The following PLCB1 variants were observed in gnomAD, a reference collection of about 807,000 sequenced individuals.
PLCB1 encodes the protein phospholipase C beta 1.
In PLCB1, 46 loss-of-function variants were observed where a neutral mutation model predicts 161.8. The observed-to-expected ratio is 0.28, with a 90% confidence interval of 0.22 to 0.36. The LOEUF (loss-of-function observed/expected upper bound fraction) is 0.36. Ranked by LOEUF, PLCB1 falls within the 10% of genes least tolerant of loss-of-function variation. The pLI is 1.00. For missense variants in PLCB1, 1,016 were observed against 1,472.5 expected (o/e 0.69, Z 5.07); for synonymous variants, 517 against 503.7 (o/e 1.03, Z -0.35).
At chr20:8,231,429 T>G (rs969265082) in intron 2 of PLCB1, among the ~76,000 whole-genome samples, 1 of 152,128 alleles carries the variant, frequency 6.6e-6, no homozygotes, top group Non-Finnish European at 1.5e-5. Context: ...AAATCACCAA[T>G]GCATAAGAAC....
intron 3 of PLCB1, among the ~76,000 whole-genome samples, chr20:8,394,288 G>C (rs1987697450): frequency 6.6e-6 from 1 of 152,116 alleles, no homozygotes; most frequent in Non-Finnish European, 1.5e-5. Context: ...TTTGTGGAAG[G>C]ATTTTAAGTC....
At chr20:8,875,779 C>T (rs1987759456) in intron 31 of PLCB1, among the ~76,000 whole-genome samples, 1 of 151,824 alleles carries the variant, frequency 6.6e-6, no homozygotes, top group African/African-American at 2.4e-5. Flanking sequence ...TTGATTGTCT[C>T]TGATTCATAA....
intron 3 of PLCB1, among the ~76,000 whole-genome samples, chr20:8,563,245 G>A (rs370782570): frequency 6.6e-6 from 1 of 151,968 alleles, no homozygotes; most frequent in South Asian, 2.1e-4. Flanking sequence ...TAAAAATGAT[G>A]TGGTTCTGGT....
intron 3 of PLCB1, among the ~76,000 whole-genome samples, chr20:8,476,147 G>A (rs755241899): frequency 6.6e-6 from 1 of 152,178 alleles, no homozygotes; most frequent in Non-Finnish European, 1.5e-5. Context: ...TTGCAAGAAT[G>A]TTTCCTGGGA....
At chr20:8,570,580 TA>T (rs1986472728) in intron 3 of PLCB1, among the ~76,000 whole-genome samples, 3 of 145,076 alleles carry the variant, frequency 2.1e-5, no homozygotes, top group Non-Finnish European at 4.6e-5. Context: ...GAAACAACAA[TA>T]AATAAGACAG....
intron 3 of PLCB1, among the ~76,000 whole-genome samples, chr20:8,560,879 A>T (rs1474788506): frequency 6.6e-6 from 1 of 152,048 alleles, no homozygotes; most frequent in African/African-American, 2.4e-5. Flanking sequence ...AAAAATAATA[A>T]GTAAAATGGG....
chr20:8,321,049 A>G (rs938781074), intron 2 of PLCB1, among the ~76,000 whole-genome samples: 1 of 151,016 alleles, frequency 6.6e-6, no homozygotes, highest in African/African-American at 2.4e-5. Flanking sequence ...AGGAGAAAAA[A>G]GTATAATGGA....
At chr20:8,271,447 A>T (rs1172870876) in intron 2 of PLCB1, among the ~76,000 whole-genome samples, 1 of 152,104 alleles carries the variant, frequency 6.6e-6, no homozygotes, top group Non-Finnish European at 1.5e-5. Flanking sequence ...ATGAATGAAA[A>T]CCTTAAAACC....
chr20:8,281,925 A>C (rs1242158299), intron 2 of PLCB1, among the ~76,000 whole-genome samples: 1 of 152,168 alleles, frequency 6.6e-6, no homozygotes, highest in East Asian at 1.9e-4. Context: ...GCAACTCCCT[A>C]TCATATTCAT....
intron 4 of PLCB1, among the ~76,000 whole-genome samples, chr20:8,643,800 T>C (rs74183566): frequency 0.27 from 35,229 of 129,796 alleles, 4,078 homozygotes; most frequent in African/African-American, 0.44. Context: ...CCTCTCCCCA[T>C]GGTCTCCCTC....
At chr20:8,697,303 T>C (rs1990604799) in intron 10 of PLCB1, among the ~76,000 whole-genome samples, 1 of 152,224 alleles carries the variant, frequency 6.6e-6, no homozygotes, top group Admixed American at 6.5e-5. Flanking sequence ...ATTAAATAGT[T>C]ATGCCACAGA....
At chr20:8,623,506 T>C (rs1042672503) in intron 3 of PLCB1, among the ~76,000 whole-genome samples, 1 of 152,194 alleles carries the variant, frequency 6.6e-6, no homozygotes, top group African/African-American at 2.4e-5. Flanking sequence ...CCAAAACAAA[T>C]ATGAATACTC....
In PLCB1 at chr20:8,657,307, A is replaced by G. The variant is rs190490112; in HGVS notation, c.695+23A>G. The G allele has an allele frequency of 2.8e-6, 4 of 1,411,034 alleles. No homozygotes were observed. In the African/African-American group the frequency reaches 4.2e-5, roughly 15 times the overall value. The allele number at this position is 1,411,034 out of a possible 1,614,324, so 87.4% of individuals were successfully genotyped here. A position where few individuals can be genotyped will look rare whatever the true frequency, so the allele number is the denominator to read the frequency against. Reference sequence around the variant, plus strand: ...ATTGTAAGAGTACACATTTTAAGCCATATCTTTTTCAGCTTGCATTGATTC... The same window carrying G: ...ATTGTAAGAGTACACATTTTAAGCCGTATCTTTTTCAGCTTGCATTGATTC... On this transcript the variant is annotated intron_variant, in intron 8 of 31. Transcript: ENST00000338037.
chr20:8,585,414 G>C (rs1186042551), intron 3 of PLCB1, among the ~76,000 whole-genome samples: 1 of 152,154 alleles, frequency 6.6e-6, no homozygotes, highest in East Asian at 1.9e-4. Context: ...CAGACTTCTT[G>C]AATAGCTTCT....
At chr20:8,143,508 G>A (rs932296532) in intron 1 of PLCB1, among the ~76,000 whole-genome samples, 8 of 152,138 alleles carry the variant, frequency 5.3e-5, no homozygotes, top group African/African-American at 1.7e-4. Flanking sequence ...CCCTTATTGC[G>A]GAGACAGATG....
At chr20:8,464,791 T>G (rs1361587900) in intron 3 of PLCB1, among the ~76,000 whole-genome samples, 2 of 152,156 alleles carry the variant, frequency 1.3e-5, no homozygotes, top group African/African-American at 2.4e-5. Flanking sequence ...AGCTGCTGAA[T>G]AAAGCCATGT....
chr20:8,800,258 A>G (rs543681984), intron 31 of PLCB1, among the ~76,000 whole-genome samples: 54 of 152,216 alleles, frequency 3.5e-4, no homozygotes, highest in Non-Finnish European at 7.1e-4. Context: ...ATTATATTAT[A>G]TCTAAGGCCA....
intron 3 of PLCB1, among the ~76,000 whole-genome samples, chr20:8,414,728 T>G (rs1979196676): frequency 6.6e-6 from 1 of 152,174 alleles, no homozygotes; most frequent in Admixed American, 6.5e-5. Flanking sequence ...CACATGTAGC[T>G]GTGGAGCATT....
intron 3 of PLCB1, among the ~76,000 whole-genome samples, chr20:8,469,408 AGTC>A (rs1477093466): frequency 6.6e-6 from 1 of 152,180 alleles, no homozygotes; most frequent in African/African-American, 2.4e-5. Flanking sequence ...CAAGTATCCT[AGTC>A]GTGTTATTCT....
Sources: gnomAD v4.1 joint callset for allele counts (sites outside exome capture counted in the v4.1 genomes callset) on GRCh38, gnomAD v4.1.1 for gene constraint, MANE v1.5 for transcripts, NCBI Gene and HGNC (gene_info 2026-07-23, HGNC 2026-07-21) for gene names.